Variants in FEZ2 observed in about 807,000 individuals in gnomAD.
The protein encoded by FEZ2 is fasciculation and elongation protein zeta 2, also known as fasciculation and elongation protein zeta-2.
Under a neutral mutation model 40.4 loss-of-function variants are expected in FEZ2, and 51 were observed. The observed-to-expected ratio is 1.26, with a 90% CI of 1.01 to 1.59. The LOEUF (loss-of-function observed/expected upper bound fraction) is 1.59, where lower values mean the gene tolerates loss of function less well. Ranked by LOEUF, FEZ2 falls within the 40% of genes most tolerant of loss-of-function variation. The pLI is 0.00. For missense variants in FEZ2, 640 were observed against 438.3 expected, an observed-to-expected ratio of 1.46 and a Z score of -4.11; for synonymous variants, 242 against 172.0, an observed-to-expected ratio of 1.41 and a Z score of -3.18.
intron 3 of FEZ2, 61 bp downstream of exon 3, chr2:36,583,292 A>G (rs1054745547): frequency 1.2e-6 from 1 of 851,218 alleles, no homozygotes; most frequent in African/African-American, 1.7e-5. Flanking sequence ...TGTCATAACA[A>G]GAAGCCGTTT....
intron 6 of FEZ2, chr2:36,557,813 A>G (rs1242670006): frequency 6.6e-6 from 1 of 152,124 alleles, no homozygotes; most frequent in Non-Finnish European, 1.5e-5. Context: ...ATCATAAGAG[A>G]TACTCAATAT....
At chr2:36,584,283 T>G (rs558659425) in intron 2 of FEZ2, among the ~76,000 whole-genome samples, 1 of 152,236 alleles carries the variant, frequency 6.6e-6, no homozygotes, top group African/African-American at 2.4e-5. Context: ...AAGGCCAATC[T>G]CAACAGTTTA....
chr2:36,569,991 G>A lies in FEZ2; in HGVS notation c.903+8606C>T, dbSNP rs1411115327. On this transcript the variant is annotated intron_variant, in intron 5 of 7. Transcript: ENST00000405912. ...ATAATTATTGTTCCTGATAAATCAC[G>A]ACACTTTCAATAGCTTGAATATGAT... 3.9e-5 allele frequency among the ~76,000 whole-genome samples: 6 copies of A among 151,950 alleles called. No individual in the cohort carries two copies. In the East Asian group the frequency reaches 5.8e-4, roughly 15 times the overall value.
chr2:36,581,058 A>C (rs2125235768), intron 4 of FEZ2, among the ~76,000 whole-genome samples: 2 of 152,310 alleles, frequency 1.3e-5, no homozygotes, highest in Middle Eastern at 6.8e-3. Context: ...AGGCTGAGGC[A>C]GAATTGCTTG....
chr2:36,567,573 C>T (rs1668282418), intron 5 of FEZ2, among the ~76,000 whole-genome samples: 2 of 151,936 alleles, frequency 1.3e-5, no homozygotes, highest in African/African-American at 2.4e-5. Context: ...ACCAGCCTGG[C>T]CAACCTGGTG....
chr2:36,583,390 G>T lies in FEZ2; in HGVS notation c.455C>A (p.Ser152Tyr). ...EQLDMHSIIVSCVNDEPLFTA... is the reference protein window; with the variant it reads ...EQLDMHSIIVYCVNDEPLFTA... Reference sequence around the variant, plus strand: ...GAAGAGGGGTTCATCATTAACACAGGAGACGATGATTGAGTGCATATCCAG... The same window carrying T: ...GAAGAGGGGTTCATCATTAACACAGTAGACGATGATTGAGTGCATATCCAG... Residue 152 changes from serine to tyrosine, a missense_variant, in exon 3 of 8, where the codon TCC (serine) becomes TAC (tyrosine). Physicochemically the swap from Ser to Tyr is moderately radical, Grantham distance 144. Coordinates refer to ENST00000405912, the MANE Select transcript of FEZ2 (RefSeq NM_005102.3). The T allele has an allele frequency of 6.2e-7, 1 of 1,604,390 alleles. No homozygotes were observed. Among genetic ancestry groups the T allele is most frequent in the Non-Finnish European group, 8.5e-7 (1 of 1,171,258 alleles).
intron 5 of FEZ2, 127 bp downstream of exon 5, chr2:36,578,470 G>T: frequency 1.0e-6 from 1 of 990,768 alleles, no homozygotes; most frequent in South Asian, 1.6e-5. Flanking sequence ...ATCCCACTGG[G>T]CTCTGATTAG....
At chr2:36,553,992 A>C (rs1427374168) in intron 7 of FEZ2, among the ~76,000 whole-genome samples, 4 of 152,136 alleles carry the variant, frequency 2.6e-5, no homozygotes, top group Non-Finnish European at 5.9e-5. Flanking sequence ...CATTTGGGTA[A>C]ATACATCTCC....
At chr2:36,578,170 A>T (rs538644274) in intron 5 of FEZ2, among the ~76,000 whole-genome samples, 1 of 152,344 alleles carries the variant, frequency 6.6e-6, no homozygotes, top group Non-Finnish European at 1.5e-5. Context: ...CAGAGTTCTG[A>T]TACCTCTAAA....
chr2:36,577,653 ACT>A (rs1668613719), intron 5 of FEZ2, among the ~76,000 whole-genome samples: 2 of 152,052 alleles, frequency 1.3e-5, no homozygotes, highest in South Asian at 4.1e-4. Flanking sequence ...ATATGGTAAG[ACT>A]CTTTTTGTGT....
intron 3 of FEZ2, among the ~76,000 whole-genome samples, chr2:36,582,743 G>C (rs1573023536): frequency 2.0e-5 from 3 of 152,298 alleles, no homozygotes; most frequent in African/African-American, 4.8e-5. Flanking sequence ...TAAAAATAGA[G>C]TGTGGTAGAA....
Position 36,552,722 on chromosome 2 carries a change from T to G in FEZ2, c.*441A>C, listed in dbSNP as rs1667847449. 1.0e-5 allele frequency: 2 copies of G among 192,520 alleles called. No individual in the cohort carries two copies. The highest frequency in any genetic ancestry group is 2.1e-5 in the Non-Finnish European group (2 of 93,072). 11.9% of individuals were successfully genotyped at this position (192,520 alleles called of 1,614,324 possible). On this transcript the variant is annotated 3_prime_UTR_variant, in exon 8 of 8. Transcript: ENST00000405912. The stretch of plus-strand genomic sequence containing the variant: ...AATCTCTCTGAACAATACTGGTAGG[T>G]AATAGTTACACTGACAATTCTCACA...
chr2:36,590,861 G>A (rs749317212), intron 2 of FEZ2, 42 bp downstream of exon 2: 2 of 1,064,774 alleles, frequency 1.9e-6, no homozygotes, highest in Middle Eastern at 2.0e-4. Flanking sequence ...TCTATTATCA[G>A]CATCAGTTAT....
chr2:36,577,710 G>A (rs1668615584), intron 5 of FEZ2, among the ~76,000 whole-genome samples: 2 of 152,156 alleles, frequency 1.3e-5, no homozygotes, highest in African/African-American at 2.4e-5. Flanking sequence ...GTATTTCCAG[G>A]ATTCCATCAG....
chr2:36,558,687 A>ATT, intron 5 of FEZ2, 174 bp from the exon 6 acceptor site: 1 of 391,734 alleles, frequency 2.6e-6, no homozygotes, highest in Non-Finnish European at 4.5e-6. Flanking sequence ...GATGGAGCTC[A>ATT]TTTTTTTTTG....
At chr2:36,577,430 T>C (rs1668606530) in intron 5 of FEZ2, among the ~76,000 whole-genome samples, 1 of 152,182 alleles carries the variant, frequency 6.6e-6, no homozygotes, top group African/African-American at 2.4e-5. Flanking sequence ...GCTAATTTTA[T>C]ATTTTTAGTA....
chr2:36,577,851 A>G (rs1199792561), intron 5 of FEZ2, among the ~76,000 whole-genome samples: 1 of 152,242 alleles, frequency 6.6e-6, no homozygotes, highest in Non-Finnish European at 1.5e-5. Context: ...CATGTTATTG[A>G]TATCACAAAT....
At position 36,555,703 on chromosome 2, in the gene FEZ2, A is replaced by T; in HGVS notation, c.1025T>A (p.Leu342Ter). 1 of 1,597,340 alleles carries T rather than the reference A, an allele frequency of 6.3e-7. No homozygotes were observed. The highest frequency in any genetic ancestry group is 1.8e-5 in the Admixed American group (1 of 56,582). Residue 342 changes from leucine to a stop codon, truncating the protein, a stop_gained, in exon 7 of 8, where the codon TTA (leucine) becomes TAA (stop). Coordinates refer to ENST00000405912, the MANE Select transcript of FEZ2 (RefSeq NM_005102.3). LOFTEE classifies it high-confidence loss of function. ...KEDSEKVPSL[L>*]TDYILKVLCP... ...CTCACCTTTCAGAATATAATCAGTT[A>T]ACAAGCTCGGAACTTTTTCACTGTC...
At chr2:36,594,945 C>T (rs1669171039) in intron 1 of FEZ2, among the ~76,000 whole-genome samples, 1 of 152,242 alleles carries the variant, frequency 6.6e-6, no homozygotes, top group African/African-American at 2.4e-5. Context: ...ACAGAGGCAA[C>T]TCTAGTGAAA....
Sources: gnomAD v4.1 joint callset for allele counts (sites outside exome capture counted in the v4.1 genomes callset) on GRCh38, gnomAD v4.1.1 for gene constraint, MANE v1.5 for transcripts, NCBI Gene and HGNC (gene_info 2026-07-23, HGNC 2026-07-21) for gene names.